NCKAP5: variants seen among roughly 807,000 people sequenced by gnomAD.
NCKAP5 encodes NCK associated protein 5.
A neutral mutation model predicts 167.0 loss-of-function variants in NCKAP5; 92 were observed. The ratio of observed to expected loss-of-function variants is 0.55; its 90% CI spans 0.47 to 0.66. NCKAP5 has a LOEUF of 0.66. NCKAP5 is among the 30% of genes least tolerant of loss of function. NCKAP5 has a pLI of 0.00. For missense variants in NCKAP5, 2,378 were observed against 2,315.0 expected (o/e 1.03, Z -0.56); for synonymous variants, 891 against 877.4 (o/e 1.02, Z -0.27).
chr2:132,789,077 G>A (rs116519004), intron 13 of NCKAP5, among the ~76,000 whole-genome samples: 2 of 152,214 alleles, frequency 1.3e-5, no homozygotes, highest in Non-Finnish European at 2.9e-5. Flanking sequence ...CCTCATTCAG[G>A]GGAGAGATTG....
chr2:133,670,958 G>A, the NCKAP5 span, among the ~76,000 whole-genome samples: 1 of 152,172 alleles, frequency 6.6e-6, no homozygotes, highest in Non-Finnish European at 1.5e-5. Flanking sequence ...GCTCACGCCT[G>A]TAATCCCAGC....
chr2:132,877,672 T>G (rs901420223), intron 9 of NCKAP5, among the ~76,000 whole-genome samples: 2 of 152,132 alleles, frequency 1.3e-5, no homozygotes, highest in African/African-American at 4.8e-5. Flanking sequence ...GCTTCCAGTT[T>G]GAAGGGAACA....
At chr2:133,471,106 C>T (rs550867242) in intron 3 of NCKAP5, among the ~76,000 whole-genome samples, 33 of 152,286 alleles carry the variant, frequency 2.2e-4, no homozygotes, top group East Asian at 9.7e-4. Context: ...ACAAGAAACT[C>T]GGGATTACAC....
chr2:133,132,888 G>C (rs2082661503), intron 5 of NCKAP5, among the ~76,000 whole-genome samples: 1 of 152,098 alleles, frequency 6.6e-6, no homozygotes, highest in Admixed American at 6.5e-5. Context: ...ATGTTAGCCA[G>C]GATGGTCTTG....
At chr2:133,357,994 C>T (rs568886862) in intron 3 of NCKAP5, among the ~76,000 whole-genome samples, 1 of 152,296 alleles carries the variant, frequency 6.6e-6, no homozygotes, top group Non-Finnish European at 1.5e-5. Context: ...CTTGTGCTCA[C>T]ACTATTTCCT....
Position 133,168,067 on chromosome 2 carries a change from G to A in NCKAP5, c.208-37956C>T, listed in dbSNP as rs114192084. 4.7e-3 allele frequency among the ~76,000 whole-genome samples: 720 copies of A among 152,164 alleles called. 1 individual carries two copies. Among genetic ancestry groups the A allele is most frequent in the African/African-American group, 0.016 (660 of 41,522 alleles). On this transcript the variant is annotated intron_variant, in intron 5 of 19. Coordinates refer to ENST00000409261, the MANE Select transcript of NCKAP5 (RefSeq NM_207363.3). ...TCTTTTAATCCTTACAATGGCCCTAGAACAAGCTGAAATTATTATTCCCAC... is the reference window on the plus strand; with the variant it reads ...TCTTTTAATCCTTACAATGGCCCTAAAACAAGCTGAAATTATTATTCCCAC...
intron 4 of NCKAP5, among the ~76,000 whole-genome samples, chr2:133,249,006 C>T (rs1184374913): frequency 6.6e-6 from 1 of 152,152 alleles, no homozygotes; most frequent in African/African-American, 2.4e-5. Flanking sequence ...CAGAGAGATG[C>T]CTCTAAATTC....
chr2:132,909,984 G>A (rs561009149), intron 8 of NCKAP5, among the ~76,000 whole-genome samples: 10 of 152,284 alleles, frequency 6.6e-5, no homozygotes, highest in African/African-American at 2.2e-4. Flanking sequence ...CCATTTTACA[G>A]GCAACAATGC....
chr2:133,485,160 ATAT>A (rs1680798498), intron 3 of NCKAP5, among the ~76,000 whole-genome samples: 2 of 152,330 alleles, frequency 1.3e-5, no homozygotes, highest in African/African-American at 4.8e-5. Context: ...GACCACAAAG[ATAT>A]TATATTTATA....
At chr2:132,878,643 C>T (rs201553671) in intron 9 of NCKAP5, among the ~76,000 whole-genome samples, 2 of 49,884 alleles carry the variant, frequency 4.0e-5, no homozygotes, top group Non-Finnish European at 9.2e-5. Flanking sequence ...CACACACACA[C>T]ACACACACAC....
rs1396074467 is a variant in NCKAP5, at chr2:132,785,151, C to A, written c.1660G>T (p.Val554Leu). ...CPLEMKLCPS[V>L]QTPQVQRERG... ...TCCCTCTGTACCTGAGGCGTCTGCA[C>A]ACTTGGGCACAGCTTCATCTCTAAG... Residue 554 changes from valine (V) to leucine (L), a missense_variant, in exon 14 of 20, where the codon GTG becomes TTG. By Grantham distance (32) the Val-to-Leu change is conservative (BLOSUM62 1). Around this residue, in one of 3 missense-constraint regions of NCKAP5, gnomAD observed 1,049 missense variants for 1,023.4 expected, o/e 1.02. Coordinates refer to ENST00000409261, the MANE Select transcript of NCKAP5 (RefSeq NM_207363.3). 1 of 1,605,494 alleles carries A rather than the reference C, an allele frequency of 6.2e-7. No homozygotes were observed. The highest frequency in any genetic ancestry group is 8.5e-7 in the Non-Finnish European group (1 of 1,177,072).
intron 16 of NCKAP5, among the ~76,000 whole-genome samples, chr2:132,741,792 AC>A (rs1679218125): frequency 6.6e-6 from 1 of 152,036 alleles, no homozygotes; most frequent in Non-Finnish European, 1.5e-5. Flanking sequence ...TTATCTATCC[AC>A]CTTTTCGCAC....
intron 6 of NCKAP5, among the ~76,000 whole-genome samples, chr2:133,040,098 T>A (rs2079162383): frequency 1.3e-5 from 2 of 152,074 alleles, no homozygotes; most frequent in Admixed American, 1.3e-4. Context: ...AACTCCTTTA[T>A]TCATTCAGAA....
At chr2:133,103,993 C>T (rs892927892) in intron 6 of NCKAP5, among the ~76,000 whole-genome samples, 11 of 150,034 alleles carry the variant, frequency 7.3e-5, no homozygotes, top group Non-Finnish European at 1.3e-4. Flanking sequence ...TTTTTTTTAT[C>T]ATGTCCTACA....
intron 4 of NCKAP5, among the ~76,000 whole-genome samples, chr2:133,292,515 A>G (rs540145710): frequency 1.2e-4 from 19 of 152,324 alleles, no homozygotes; most frequent in African/African-American, 4.6e-4. Flanking sequence ...TTTCAGATAA[A>G]TAAATCACAT....
At chr2:132,770,666 C>G (rs1681962299) in intron 16 of NCKAP5, among the ~76,000 whole-genome samples, 1 of 151,976 alleles carries the variant, frequency 6.6e-6, no homozygotes, top group South Asian at 2.1e-4. Flanking sequence ...GCAGCACCAT[C>G]CAACAGAACA....
chr2:132,925,673 G>A (rs561300082), intron 8 of NCKAP5, among the ~76,000 whole-genome samples: 22 of 152,118 alleles, frequency 1.4e-4, no homozygotes. Context: ...ACCTCCTGCT[G>A]TGCAGCCTGG....
At chr2:133,220,332 T>C (rs2086608206) in intron 4 of NCKAP5, among the ~76,000 whole-genome samples, 1 of 151,972 alleles carries the variant, frequency 6.6e-6, no homozygotes, top group Non-Finnish European at 1.5e-5. Flanking sequence ...AAAAAGAATA[T>C]AAAGAAAATA....
chr2:132,765,581 A>G (rs1558739608), intron 16 of NCKAP5, among the ~76,000 whole-genome samples: 1 of 103,728 alleles, frequency 9.6e-6, no homozygotes, highest in African/African-American at 4.1e-5. Flanking sequence ...GGCATGAGCC[A>G]CCGTGCCCGG....
Sources: gnomAD v4.1 joint callset for allele counts (sites outside exome capture counted in the v4.1 genomes callset) on GRCh38, gnomAD v4.1.1 for gene constraint, gnomAD v4.1.1 regional missense constraint, MANE v1.5 for transcripts, NCBI Gene and HGNC (gene_info 2026-07-23, HGNC 2026-07-21) for gene names.